Variants in GRK4 observed in about 807,000 individuals in gnomAD.
The protein encoded by GRK4 is G protein-coupled receptor kinase 4.
Under a neutral mutation model 77.9 loss-of-function variants are expected in GRK4, and 73 were observed. The ratio of observed to expected loss-of-function variants is 0.94; its 90% CI spans 0.78 to 1.14. The LOEUF (loss-of-function observed/expected upper bound fraction) is 1.14, where lower values mean the gene tolerates loss of function less well. Ranked by LOEUF, GRK4 falls within the 50% of genes most tolerant of loss-of-function variation. The pLI is 0.00. For synonymous variants in GRK4, 257 were observed against 254.4 expected (o/e 1.01, Z -0.10); for missense variants, 729 against 700.2 (o/e 1.04, Z -0.46).
At position 2,997,632 on chromosome 4, in the gene GRK4, G is replaced by A. The variant is rs1254166793; in HGVS notation, c.339+5340G>A. Among the ~76,000 whole-genome samples the A allele has an allele frequency of 2.6e-5, 4 of 152,100 alleles. No individual in the cohort carries two copies. The East Asian group carries it at 5.8e-4, about 22-fold the overall frequency. The stretch of plus-strand genomic sequence containing the variant: ...ATACTTAAATGTGAAAGACTAGGCC[G>A]GGTGTGGTGGTGTTCACCTGTAATT... On this transcript the variant is annotated intron_variant, in intron 4 of 15. Transcript: ENST00000398052.
chr4:2,991,055 A>G (rs976112867), intron 3 of GRK4, among the ~76,000 whole-genome samples: 2 of 152,210 alleles, frequency 1.3e-5, no homozygotes, highest in African/African-American at 4.8e-5. Flanking sequence ...TCAGGATTCA[A>G]CCAGAGAACT....
chr4:2,967,266 T>C (rs1212080901), intron 1 of GRK4, among the ~76,000 whole-genome samples: 1 of 152,256 alleles, frequency 6.6e-6, no homozygotes, highest in African/African-American at 2.4e-5. Flanking sequence ...CAGACTAAGA[T>C]GGTCTAAACA....
rs368509070 is a variant in GRK4 at position 2,973,476 on chromosome 4, A to G, written c.52+9354A>G. ...CTGCCTACCTGACATCGCTGTATGG[A>G]AGCCTCATTGGTACGAGAAAGAGCC... On this transcript the variant is annotated intron_variant, in intron 1 of 15. Coordinates refer to ENST00000398052, the MANE Select transcript of GRK4 (RefSeq NM_182982.3). 3.9e-5 allele frequency among the ~76,000 whole-genome samples: 6 copies of G among 152,148 alleles called. No individual in the cohort carries two copies. In the East Asian group the frequency reaches 9.7e-4, roughly 24 times the overall value.
chr4:2,988,925 C>A, intron 3 of GRK4, 86 bp downstream of exon 3: 1 of 812,464 alleles, frequency 1.2e-6, no homozygotes, highest in Non-Finnish European at 2.1e-6. Context: ...GTAGCTCATG[C>A]TGTAATCCCA....
At chr4:3,023,533 C>G (rs959589280) in intron 10 of GRK4, among the ~76,000 whole-genome samples, 2 of 152,222 alleles carry the variant, frequency 1.3e-5, no homozygotes, top group African/African-American at 4.8e-5. Flanking sequence ...TCATGCTTAT[C>G]TAATTCATGT....
At chr4:3,024,810 A>G (rs895920714) in intron 10 of GRK4, among the ~76,000 whole-genome samples, 3 of 152,154 alleles carry the variant, frequency 2.0e-5, no homozygotes, top group Admixed American at 6.5e-5. Context: ...GTGAGCCGAG[A>G]TTGCACCACT....
chr4:3,038,754 A>G, intron 15 of GRK4: 1 of 450,642 alleles, frequency 2.2e-6, no homozygotes, highest in Non-Finnish European at 4.0e-6. Context: ...ACCTTCCAGC[A>G]TTTACAAACA....
chr4:2,996,512 G>A (rs1157959416), intron 4 of GRK4, among the ~76,000 whole-genome samples: 3 of 151,808 alleles, frequency 2.0e-5, no homozygotes, highest in Non-Finnish European at 2.9e-5. Context: ...CTGAGTTCGC[G>A]CCACTGCACT....
chr4:2,965,243 T>A (rs906112179), intron 1 of GRK4: 1 of 702,858 alleles, frequency 1.4e-6, no homozygotes, highest in African/African-American at 1.7e-5. Flanking sequence ...GTCTCTCTAG[T>A]CCTCTGCATC....
In GRK4 at chr4:3,035,410, C is replaced by T. The variant is rs532337911; in HGVS notation, c.1294C>T (p.Arg432Trp). Residue 432 changes from arginine (R) to tryptophan (W), a missense_variant, in exon 13 of 16, where the codon CGG (arginine) becomes TGG (tryptophan). Physicochemically the swap from Arg to Trp is moderately radical, Grantham distance 101. Transcript: ENST00000398052. ...GTTACTCACCAAGAATCCAAGCAAG[C>T]GGCTGGGCTGCAGGGGCGAGGGAGC... The part of the protein sequence containing the change: ...RMLLTKNPSK[R>W]LGCRGEGAAG... 10 of 1,613,760 alleles carry T rather than the reference C, an allele frequency of 6.2e-6. No homozygotes were observed. The highest frequency in any genetic ancestry group is 1.7e-5 in the Admixed American group (1 of 59,988).
chr4:3,003,738 G>T (rs1483908344), intron 4 of GRK4, among the ~76,000 whole-genome samples: 2 of 151,866 alleles, frequency 1.3e-5, no homozygotes, highest in South Asian at 2.1e-4. Flanking sequence ...TTTTTTGTTT[G>T]GTTTGGTTTG....
intron 7 of GRK4, among the ~76,000 whole-genome samples, chr4:3,012,400 G>A (rs1733164434): frequency 6.6e-6 from 1 of 152,214 alleles, no homozygotes; most frequent in African/African-American, 2.4e-5. Flanking sequence ...GCATACCCAT[G>A]TAAGAAGGTG....
At chr4:2,987,501 A>C (rs539352575) in intron 2 of GRK4, among the ~76,000 whole-genome samples, 1 of 152,206 alleles carries the variant, frequency 6.6e-6, no homozygotes, top group Non-Finnish European at 1.5e-5. Context: ...TTGCGTGGAC[A>C]TACCACATTT....
rs759327790 is a variant in GRK4, at chr4:2,964,157, C to CCT, written c.52+35_52+36insCT. 4 of 1,518,884 alleles carry CCT rather than the reference C, an allele frequency of 2.6e-6. 1 individual carries two copies. The African/African-American group carries it at 5.6e-5, about 21-fold the overall frequency. The allele number at this position is 1,518,884 out of a possible 1,614,324, so 94.1% of individuals were successfully genotyped here. A position where few individuals can be genotyped will look rare whatever the true frequency, so the allele number is the denominator to read the frequency against. ...CGGCAGGCGCCCCCGACCCCCCCCC[C>CCT]AGAGAACCCCGAATCCCGGGGAACC... On this transcript the variant is annotated intron_variant, in intron 1 of 15. Coordinates refer to ENST00000398052, the MANE Select transcript of GRK4 (RefSeq NM_182982.3).
At chr4:3,039,738 G>A (rs542873928) in intron 15 of GRK4, among the ~76,000 whole-genome samples, 105 of 150,662 alleles carry the variant, frequency 7.0e-4, no homozygotes, top group African/African-American at 2.4e-3. Flanking sequence ...ATAAGCTTTA[G>A]GTGGGAAATA....
At chr4:2,971,511 C>T (rs780398607) in intron 1 of GRK4, among the ~76,000 whole-genome samples, 3 of 152,046 alleles carry the variant, frequency 2.0e-5, no homozygotes, top group Admixed American at 6.6e-5. Flanking sequence ...GAAATGAACA[C>T]GGTAGGTATG....
intron 14 of GRK4, 87 bp from the exon 15 acceptor site, chr4:3,038,289 C>T: frequency 6.5e-7 from 1 of 1,543,866 alleles, no homozygotes; most frequent in South Asian, 1.2e-5. Flanking sequence ...CCGCACGGGG[C>T]TGGGCAGGAG....
chr4:3,031,307 G>T (rs1298920717), intron 12 of GRK4, among the ~76,000 whole-genome samples: 3 of 152,204 alleles, frequency 2.0e-5, no homozygotes, highest in Non-Finnish European at 2.9e-5. Context: ...CCCTAGTGGG[G>T]AGCAAAGGTG....
chr4:3,034,550 G>A (rs1029558700), intron 12 of GRK4, among the ~76,000 whole-genome samples: 1 of 152,156 alleles, frequency 6.6e-6, no homozygotes, highest in Non-Finnish European at 1.5e-5. Flanking sequence ...TTGCTTTTGA[G>A]CACAGCCCTG....
Sources: allele counts gnomAD v4.1 joint callset (sites outside exome capture counted in the v4.1 genomes callset), GRCh38; gene constraint gnomAD v4.1.1; transcripts MANE v1.5; gene names NCBI Gene and HGNC (gene_info 2026-07-23, HGNC 2026-07-21).